CLSTN3: variants seen among roughly 807,000 people sequenced by gnomAD.
CLSTN3 encodes calsyntenin 3, also known as calsyntenin-3.
A neutral mutation model predicts 95.9 loss-of-function variants in CLSTN3; 36 were observed. The observed-to-expected ratio is 0.38, with a 90% CI of 0.29 to 0.50. The LOEUF (loss-of-function observed/expected upper bound fraction) is 0.50, where lower values mean the gene tolerates loss of function less well. CLSTN3 is among the 20% of genes least tolerant of loss of function. The probability of loss-of-function intolerance (pLI) is 0.95; values close to 1 mark genes in which losing one functional copy is unlikely to be tolerated. For synonymous variants in CLSTN3, 481 were observed against 504.0 expected, an observed-to-expected ratio of 0.95 and a Z score of 0.61; for missense variants, 1,084 against 1,268.8, an observed-to-expected ratio of 0.85 and a Z score of 2.21.
chr12:7,155,352 G>T (rs1472989429), intron 16 of CLSTN3, among the ~76,000 whole-genome samples: 2 of 152,152 alleles, frequency 1.3e-5, no homozygotes, highest in Non-Finnish European at 2.9e-5. Context: ...TGTCTTTCCT[G>T]TGGTCATTTC....
In CLSTN3 at chr12:7,130,690, C is replaced by G; in HGVS notation, c.42C>G (p.Leu14=). Reference sequence around the variant, plus strand: ...TGCCCCTTCTGCTGGCCTCTCTGCTCGCGTCCTGCTCCTGTAACAAAGGTG... The same window carrying G: ...TGCCCCTTCTGCTGGCCTCTCTGCTGGCGTCCTGCTCCTGTAACAAAGGTG... The part of the protein sequence containing the change: ...LLLPLLLASL[L]ASCSCNKANK... The change falls in exon 1 of 18, where the codon CTC becomes CTG. Residue 14 remains leucine, a synonymous_variant. Transcript: ENST00000266546. 1.3e-6 allele frequency: 2 copies of G among 1,572,860 alleles called. No homozygotes were observed. Among genetic ancestry groups the G allele is most frequent in the South Asian group, 1.2e-5 (1 of 86,212 alleles).
chr12:7,149,464 G>T lies in CLSTN3; in HGVS notation c.2075-59G>T. ...AGAGTGGTGATGAGGGCATGGTTGG[G>T]TCTCAGAACCTCCGTGGGCCCTTTG... On this transcript the variant is annotated intron_variant, in intron 13 of 17. Transcript: ENST00000266546. This position sits in a 1 kb window ranked among gnomAD's most constrained non-coding sequence, Gnocchi z 4.5. 6.6e-7 allele frequency: 1 copy of T among 1,522,122 alleles called. No homozygotes were observed. Among genetic ancestry groups the T allele is most frequent in the Non-Finnish European group, 9.0e-7 (1 of 1,114,760 alleles). 94.3% of individuals were successfully genotyped at this position (1,522,122 alleles called of 1,614,324 possible). A position where few individuals can be genotyped will look rare whatever the true frequency, so the allele number is the denominator to read the frequency against.
At chr12:7,130,241 T>C (rs1042331066), upstream of CLSTN3, 18 of 397,682 alleles carry the variant, frequency 4.5e-5, no homozygotes, top group African/African-American at 3.7e-4. Flanking sequence ...GGAAGGAGCC[T>C]TGAAACTCTC....
chr12:7,135,266 A>G, intron 3 of CLSTN3, 61 bp from the exon 4 acceptor site: 4 of 1,509,082 alleles, frequency 2.7e-6, no homozygotes, highest in South Asian at 1.1e-5. Flanking sequence ...GCTGTATCTC[A>G]ATGTATAATG....
rs1379189396 is a variant in CLSTN3, at chr12:7,136,946, C to A, written c.1046C>A (p.Thr349Asn). 6.2e-7 allele frequency: 1 copy of A among 1,614,184 alleles called. No homozygotes were observed. The highest frequency in any genetic ancestry group is 1.1e-5 in the South Asian group (1 of 91,078). The stretch of plus-strand genomic sequence containing the variant: ...AGCCTGATCTACTGGTTCAATGGCA[C>A]CCAGGCTGTGCAGGTGCCCCTGGGT... Reference protein sequence around the residue: ...DSSLIYWFNGTQAVQVPLGGP... With the variant: ...DSSLIYWFNGNQAVQVPLGGP... Residue 349 changes from threonine (T) to asparagine (N), a missense_variant, in exon 7 of 18, where the codon ACC becomes AAC. Physicochemically the swap from Thr to Asn is moderately conservative, Grantham distance 65. Transcript: ENST00000266546.
chr12:7,135,514 C>G lies in CLSTN3; in HGVS notation c.571C>G (p.Pro191Ala), dbSNP rs1167227249. The G allele has an allele frequency of 9.3e-6, 15 of 1,614,108 alleles. No homozygotes were observed. The highest frequency in any genetic ancestry group is 2.2e-5 in the South Asian group (2 of 91,082). Residue 191 changes from proline to alanine, a missense_variant, in exon 4 of 18, where the codon CCT (proline) becomes GCT (alanine). Pro to Ala is a conservative substitution (Grantham distance 27). Transcript: ENST00000266546. ...CYYEILTPNT[P>A]FLIDNDGNIE... ...CTATGAGATTCTCACACCCAACACCCCTTTCCTCATTGACAATGACGGTGA... is the reference window on the plus strand; with the variant it reads ...CTATGAGATTCTCACACCCAACACCGCTTTCCTCATTGACAATGACGGTGA...
Position 7,141,214 on chromosome 12 carries a change from G to A in CLSTN3, c.1324-28G>A, listed in dbSNP as rs1939519620. ...CTCTCTGAAGACGAATTACCTGAGA[G>A]GCTCTTGCCCCTACCCTACTCTCCC... On this transcript the variant is annotated intron_variant, in intron 8 of 17. Coordinates refer to ENST00000266546, the MANE Select transcript of CLSTN3 (RefSeq NM_014718.4). The surrounding 1 kb of genome is among the most constrained non-coding windows in gnomAD (Gnocchi z 4.1). 6.2e-7 allele frequency: 1 copy of A among 1,604,414 alleles called. No individual in the cohort carries two copies. Among genetic ancestry groups the A allele is most frequent in the Admixed American group, 1.7e-5 (1 of 58,122 alleles).
intron 16 of CLSTN3, among the ~76,000 whole-genome samples, chr12:7,155,659 C>T (rs891661256): frequency 7.2e-5 from 11 of 152,354 alleles, no homozygotes; most frequent in Middle Eastern, 3.4e-3. Context: ...GTCCCCTCCT[C>T]CCTTATCCCC....
rs1213558146 is a variant in CLSTN3, at chr12:7,133,452, G to C, written c.188-121G>C. The C allele has an allele frequency of 3.1e-6, 3 of 977,486 alleles. No homozygotes were observed. Among genetic ancestry groups the C allele is most frequent in the Admixed American group, 4.7e-5 (2 of 42,496 alleles). 60.6% of individuals were successfully genotyped at this position (977,486 alleles called of 1,614,324 possible). ...TGCGTGTTTGATCATTAATGCTTTT[G>C]TGCCTACAGGAGAAGGGACAGGGCT... On this transcript the variant is annotated intron_variant, in intron 2 of 17. Transcript: ENST00000266546. This position sits in a 1 kb window ranked among gnomAD's most constrained non-coding sequence, Gnocchi z 4.7.
Position 7,133,468 on chromosome 12 carries a change from G to A in CLSTN3, c.188-105G>A. On this transcript the variant is annotated intron_variant, in intron 2 of 17. Coordinates refer to ENST00000266546, the MANE Select transcript of CLSTN3 (RefSeq NM_014718.4). This position sits in a 1 kb window ranked among gnomAD's most constrained non-coding sequence, Gnocchi z 4.7. ...AATGCTTTTGTGCCTACAGGAGAAGGGACAGGGCTTTGGGAGGAGAGGTGG... is the reference window on the plus strand; with the variant it reads ...AATGCTTTTGTGCCTACAGGAGAAGAGACAGGGCTTTGGGAGGAGAGGTGG... 1 of 1,137,082 alleles carries A rather than the reference G, an allele frequency of 8.8e-7. No individual in the cohort carries two copies. The highest frequency in any genetic ancestry group is 1.9e-5 in the Admixed American group (1 of 51,552). 70.4% of individuals were successfully genotyped at this position (1,137,082 alleles called of 1,614,324 possible).
chr12:7,129,544 C>A, upstream of CLSTN3: 1 of 900,230 alleles, frequency 1.1e-6, no homozygotes, highest in East Asian at 1.2e-4. The surrounding 1 kb of genome is among the most constrained non-coding windows in gnomAD (Gnocchi z 5.5). Flanking sequence ...TTCTTTTTGG[C>A]TTGGGACCCA....
Position 7,149,782 on chromosome 12 carries a change from G to C in CLSTN3, c.2245+89G>C. The C allele has an allele frequency of 7.9e-7, 1 of 1,273,670 alleles. No individual in the cohort carries two copies. The highest frequency in any genetic ancestry group is 1.1e-6 in the Non-Finnish European group (1 of 921,576). The allele number at this position is 1,273,670 out of a possible 1,614,324, so 78.9% of individuals were successfully genotyped here. ...GGAAGCCCAGAGGGTCCTCCTTCCA[G>C]GTCCAGGGATGTGGACAAGTGCCGT... On this transcript the variant is annotated intron_variant, in intron 14 of 17. Coordinates refer to ENST00000266546, the MANE Select transcript of CLSTN3 (RefSeq NM_014718.4). This position sits in a 1 kb window ranked among gnomAD's most constrained non-coding sequence, Gnocchi z 4.5.
At chr12:7,145,882 C>G (rs759366039) in intron 12 of CLSTN3, among the ~76,000 whole-genome samples, 3 of 152,146 alleles carry the variant, frequency 2.0e-5, no homozygotes, top group Non-Finnish European at 4.4e-5. Context: ...CCTCCACTGC[C>G]CATCAGTTGC....
intron 4 of CLSTN3, 25 bp from the exon 5 acceptor site, chr12:7,135,779 C>T: frequency 6.3e-7 from 1 of 1,583,216 alleles, no homozygotes; most frequent in Non-Finnish European, 8.6e-7. Context: ...TGCTCTAATG[C>T]TCTGTCCTCC....
Position 7,136,492 on chromosome 12 carries a change from A to G in CLSTN3, c.928+101A>G, listed in dbSNP as rs994678467. ...CTTTACATCACCACTGGCCATCCAC[A>G]GGTGTTTATCCATAGAGGTTGTGAC... On this transcript the variant is annotated intron_variant, in intron 6 of 17. Transcript: ENST00000266546. The G allele has an allele frequency of 3.5e-6, 4 of 1,155,096 alleles. No individual in the cohort carries two copies. The African/African-American group carries it at 4.7e-5, about 13-fold the overall frequency. The allele number at this position is 1,155,096 out of a possible 1,614,324, so 71.6% of individuals were successfully genotyped here. A position where few individuals can be genotyped will look rare whatever the true frequency, so the allele number is the denominator to read the frequency against.
intron 16 of CLSTN3, among the ~76,000 whole-genome samples, chr12:7,151,725 G>A (rs1939727092): frequency 2.0e-5 from 3 of 152,042 alleles, no homozygotes; most frequent in South Asian, 2.1e-4. Flanking sequence ...TTGCGTAATT[G>A]TAGAAAAACC....
chr12:7,143,357 A>G lies in CLSTN3; in HGVS notation c.1847+46A>G, dbSNP rs1392949287. ...GGCAAATCACCAAGCAGAGCCAGACAGTGTCACAGCTCCTTGGCCTAAGGC... is the reference window on the plus strand; with the variant it reads ...GGCAAATCACCAAGCAGAGCCAGACGGTGTCACAGCTCCTTGGCCTAAGGC... On this transcript the variant is annotated intron_variant, in intron 12 of 17. Transcript: ENST00000266546. The G allele has an allele frequency of 5.1e-6, 8 of 1,578,438 alleles. No individual in the cohort carries two copies. In the Admixed American group the frequency reaches 1.0e-4, roughly 20 times the overall value.
Position 7,150,898 on chromosome 12 carries a change from G to A in CLSTN3, c.2392-30G>A, listed in dbSNP as rs747359199. On this transcript the variant is annotated intron_variant, in intron 15 of 17. Transcript: ENST00000266546. This position sits in a 1 kb window ranked among gnomAD's most constrained non-coding sequence, Gnocchi z 4.0. ...AGTGGGGAGGACCTGGGAGAAGCGT[G>A]TGTGCCCATGGAGCCCTCCCTCTGC... 1.7e-5 allele frequency: 26 copies of A among 1,559,620 alleles called. No individual in the cohort carries two copies. In the East Asian group the frequency reaches 5.4e-4, roughly 33 times the overall value.
chr12:7,142,718 C>CTTT lies in CLSTN3; in HGVS notation c.1541-136_1541-134dup, dbSNP rs373132235. On this transcript the variant is annotated intron_variant, in intron 10 of 17. Transcript: ENST00000266546. ...CCTCACCTCTCATCTCTCTTTTTTC[C>CTTT]TTTTTTTTTTTTTTTTTGGTTTCCA... 1.3e-3 allele frequency: 390 copies of CTTT among 306,912 alleles called. 1 individual carries two copies. Among genetic ancestry groups the CTTT allele is most frequent in the South Asian group, 5.1e-3 (167 of 32,674 alleles). The allele number at this position is 306,912 out of a possible 1,614,324, so 19.0% of individuals were successfully genotyped here. A position where few individuals can be genotyped will look rare whatever the true frequency, so the allele number is the denominator to read the frequency against.
Sources: gnomAD v4.1 joint callset for allele counts (sites outside exome capture counted in the v4.1 genomes callset) on GRCh38, gnomAD v4.1.1 for gene constraint, Gnocchi (gnomAD v3.1) non-coding constraint, MANE v1.5 for transcripts, NCBI Gene and HGNC (gene_info 2026-07-23, HGNC 2026-07-21) for gene names.